EYS: variants seen among roughly 807,000 people sequenced by gnomAD.
EYS encodes the protein EGF-like photoreceptor maintenance factor.
Under a neutral mutation model 282.1 loss-of-function variants are expected in EYS, and 250 were observed. The ratio of observed to expected loss-of-function variants is 0.89; its 90% CI spans 0.80 to 0.98. The LOEUF is 0.98. EYS is among the 50% of genes least tolerant of loss of function. The pLI, the probability that EYS is intolerant of heterozygous loss-of-function variation, is 0.00. For synonymous variants in EYS, 1,355 were observed against 1,282.9 expected (o/e 1.06, Z -1.20); for missense variants, 4,016 against 3,709.0 (o/e 1.08, Z -2.15).
chr6:65,197,967 AT>A (rs1765809703), intron 12 of EYS, among the ~76,000 whole-genome samples: 1 of 152,008 alleles, frequency 6.6e-6, no homozygotes. Context: ...TAACAGCAAC[AT>A]TTTTACTTTA....
chr6:64,563,173 C>T (rs1765453777), intron 26 of EYS, among the ~76,000 whole-genome samples: 1 of 151,902 alleles, frequency 6.6e-6, no homozygotes, highest in Non-Finnish European at 1.5e-5. Flanking sequence ...TAGGAAAGGT[C>T]AATGACCACC....
chr6:63,726,442 T>C, intron 42 of EYS, 77 bp downstream of exon 42: 1 of 1,246,388 alleles, frequency 8.0e-7, no homozygotes, highest in Non-Finnish European at 1.1e-6. Context: ...AAATACTAGG[T>C]GACACAAACA....
At chr6:65,402,722 T>C in intron 6 of EYS, 117 bp from the exon 7 acceptor site, 1 of 674,980 alleles carries the variant, frequency 1.5e-6, no homozygotes, top group South Asian at 2.0e-5. Context: ...GTAGAAATTA[T>C]CTGTCAGCAA....
At position 64,289,528 on chromosome 6, in the gene EYS, C is replaced by T. The variant is rs116106584; in HGVS notation, c.6191+17442G>A. Among the ~76,000 whole-genome samples, 380 of 152,088 alleles carry T rather than the reference C, an allele frequency of 2.5e-3. 1 individual carries two copies. Among genetic ancestry groups the T allele is most frequent in the African/African-American group, 8.4e-3 (350 of 41,510 alleles). On this transcript the variant is annotated intron_variant, in intron 30 of 42. Coordinates refer to ENST00000503581, the MANE Select transcript of EYS (RefSeq NM_001142800.2). Reference sequence around the variant, plus strand: ...ACTTGAACGGTATTTCAGATTCTAACGGAGGAAGACCAGGTATAGTGGTAC... The same window carrying T: ...ACTTGAACGGTATTTCAGATTCTAATGGAGGAAGACCAGGTATAGTGGTAC...
chr6:64,970,945 G>A (rs1770272677), intron 14 of EYS, among the ~76,000 whole-genome samples: 1 of 152,072 alleles, frequency 6.6e-6, no homozygotes, highest in Non-Finnish European at 1.5e-5. Context: ...ACTTCTTTTT[G>A]TGAAATATAT....
intron 22 of EYS, among the ~76,000 whole-genome samples, chr6:64,751,445 C>T (rs990765939): frequency 2.6e-5 from 4 of 152,170 alleles, no homozygotes; most frequent in Non-Finnish European, 5.9e-5. Context: ...TGAATGGCTG[C>T]CCCCGGACTC....
At chr6:64,116,672 AG>A (rs1195437320) in intron 31 of EYS, among the ~76,000 whole-genome samples, 1 of 152,182 alleles carries the variant, frequency 6.6e-6, no homozygotes, top group Admixed American at 6.5e-5. Flanking sequence ...AATGTCTTTA[AG>A]GACTGAGAGA....
chr6:64,727,642 A>G lies in EYS; in HGVS notation c.3443+85736T>C, dbSNP rs545548639. Among the ~76,000 whole-genome samples, 9 of 152,362 alleles carry G rather than the reference A, an allele frequency of 5.9e-5. No homozygotes were observed. The East Asian group carries it at 1.2e-3, about 20-fold the overall frequency. ...TCAGTTGAATTAAATAGTGAAAAGT[A>G]AAGGTGAGTCTTGTTTTTATATTTA... On this transcript the variant is annotated intron_variant, in intron 22 of 42. Coordinates refer to ENST00000503581, the MANE Select transcript of EYS (RefSeq NM_001142800.2).
chr6:63,776,378 C>T (rs761512761), intron 40 of EYS, among the ~76,000 whole-genome samples: 17 of 152,062 alleles, frequency 1.1e-4, no homozygotes, highest in Admixed American at 5.2e-4. Flanking sequence ...TCTTGACCCT[C>T]GAAATGGAAG....
intron 35 of EYS, among the ~76,000 whole-genome samples, chr6:63,929,401 G>A (rs1169843544): frequency 3.3e-5 from 5 of 152,182 alleles, no homozygotes; most frequent in African/African-American, 7.2e-5. Context: ...AACTGATGGA[G>A]TGTTCTCTCT....
At chr6:64,580,955 G>A (rs1766040559) in intron 26 of EYS, among the ~76,000 whole-genome samples, 1 of 152,042 alleles carries the variant, frequency 6.6e-6, no homozygotes, top group Non-Finnish European at 1.5e-5. Flanking sequence ...CAGGGAAAAG[G>A]AAATATGGGT....
intron 22 of EYS, among the ~76,000 whole-genome samples, chr6:64,719,598 A>C (rs1045225173): frequency 4.6e-5 from 7 of 152,130 alleles, no homozygotes; most frequent in African/African-American, 1.7e-4. Flanking sequence ...TTGCCTCACA[A>C]ATGTGTTTTG....
intron 31 of EYS, among the ~76,000 whole-genome samples, chr6:64,221,661 A>C (rs1240073948): frequency 6.6e-6 from 1 of 152,138 alleles, no homozygotes; most frequent in Admixed American, 6.6e-5. Flanking sequence ...AAAAATATTA[A>C]ATAGAAAATT....
At position 63,748,311 on chromosome 6, in the gene EYS, C is replaced by T. The variant is rs551752164; in HGVS notation, c.8071+14150G>A. Among the ~76,000 whole-genome samples the T allele has an allele frequency of 1.2e-4, 19 of 152,252 alleles. No homozygotes were observed. The East Asian group carries it at 3.3e-3, about 26-fold the overall frequency. ...GTTCCATATCTTTGCTATTGTTGAA[C>T]CAACTTTGCATCCTGGGGATAAAGC... On this transcript the variant is annotated intron_variant, in intron 41 of 42. Coordinates refer to ENST00000503581, the MANE Select transcript of EYS (RefSeq NM_001142800.2).
intron 35 of EYS, among the ~76,000 whole-genome samples, chr6:63,923,493 G>T (rs1373518412): frequency 6.6e-6 from 1 of 152,088 alleles, no homozygotes; most frequent in Admixed American, 6.5e-5. Flanking sequence ...AAATAACACT[G>T]CCTACTTAAG....
chr6:65,226,799 G>C (rs1582039273), intron 12 of EYS, among the ~76,000 whole-genome samples: 1 of 152,196 alleles, frequency 6.6e-6, no homozygotes. Context: ...AATAGTAGTT[G>C]TTCAAATCAA....
chr6:64,413,308 T>C (rs1206593972), intron 28 of EYS, among the ~76,000 whole-genome samples: 1 of 152,134 alleles, frequency 6.6e-6, no homozygotes, highest in Admixed American at 6.6e-5. Context: ...CAGTTGGTAA[T>C]GGCTTCTCAG....
rs188057330 is a variant in EYS, at chr6:64,451,718, T to A, written c.5645-12366A>T. ...GGCTGGTTCAACATACGAAAATCAA[T>A]AAACGTAATCCAGCATATAAACAGA... On this transcript the variant is annotated intron_variant, in intron 26 of 42. Coordinates refer to ENST00000503581, the MANE Select transcript of EYS (RefSeq NM_001142800.2). Among the ~76,000 whole-genome samples the A allele has an allele frequency of 2.5e-3, 382 of 152,258 alleles. 2 individuals are homozygous for A. The highest frequency in any genetic ancestry group is 8.7e-3 in the African/African-American group (362 of 41,542).
At chr6:65,696,131 G>A (rs968054236) in intron 1 of EYS, among the ~76,000 whole-genome samples, 4 of 151,954 alleles carry the variant, frequency 2.6e-5, no homozygotes, top group Non-Finnish European at 2.9e-5. Flanking sequence ...TGTATACTGA[G>A]ATGAAAGTTA....
Sources: allele counts gnomAD v4.1 joint callset (sites outside exome capture counted in the v4.1 genomes callset), GRCh38; gene constraint gnomAD v4.1.1; transcripts MANE v1.5; gene names NCBI Gene and HGNC (gene_info 2026-07-23, HGNC 2026-07-21).